VPS13B: variants seen among roughly 807,000 people sequenced by gnomAD.
The protein encoded by VPS13B is vacuolar protein sorting 13 homolog B.
Under a neutral mutation model 426.4 loss-of-function variants are expected in VPS13B, and 285 were observed. The ratio of observed to expected loss-of-function variants is 0.67; its 90% CI spans 0.61 to 0.74. VPS13B has a LOEUF of 0.74. VPS13B is among the 30% of genes least tolerant of loss of function. VPS13B has a pLI of 0.00. For synonymous variants in VPS13B, 1,676 were observed against 1,676.4 expected, an observed-to-expected ratio of 1.00 and a Z score of 0.01; for missense variants, 4,537 against 4,782.6, an observed-to-expected ratio of 0.95 and a Z score of 1.51.
chr8:99,460,545 C>A (rs1172357848), intron 23 of VPS13B, among the ~76,000 whole-genome samples: 1 of 151,966 alleles, frequency 6.6e-6, no homozygotes, highest in Admixed American at 6.6e-5. Context: ...TTTGTCATAC[C>A]CAGTGCTCTT....
chr8:99,029,781 A>AAGAGGG lies in VPS13B; in HGVS notation c.148-8620_148-8615dup, dbSNP rs1397503052. Among the ~76,000 whole-genome samples, 252 of 140,256 alleles carry AAGAGGG rather than the reference A, an allele frequency of 1.8e-3. 1 individual carries two copies. Among genetic ancestry groups the AAGAGGG allele is most frequent in the African/African-American group, 5.7e-3 (209 of 36,858 alleles). The allele number at this position is 140,256 out of a possible 152,430, so 92.0% of individuals were successfully genotyped here. On this transcript the variant is annotated intron_variant, in intron 2 of 61. Coordinates refer to ENST00000357162, the MANE Select transcript of VPS13B (RefSeq NM_152564.5). ...GGAGACCGTGGAAGGAGACCGTGGA[A>AAGAGGG]AGAGGGAGAGGGAGAGGGAGAGGGA...
chr8:99,800,276 C>CA (rs1406742456), intron 43 of VPS13B, among the ~76,000 whole-genome samples: 10 of 152,116 alleles, frequency 6.6e-5, no homozygotes, highest in Non-Finnish European at 4.4e-5. Flanking sequence ...CAAGGGTAAA[C>CA]AGTCTTAAGG....
chr8:99,115,590 G>T, intron 6 of VPS13B, 110 bp from the exon 7 acceptor site: 1 of 1,051,290 alleles, frequency 9.5e-7, no homozygotes, highest in Non-Finnish European at 1.4e-6. Context: ...AAAATGTTTG[G>T]AGCATTTCTT....
chr8:99,147,119 T>A (rs1414435149), intron 13 of VPS13B, among the ~76,000 whole-genome samples: 1 of 151,794 alleles, frequency 6.6e-6, no homozygotes, highest in Non-Finnish European at 1.5e-5. Context: ...GTCTTATTTA[T>A]TTATTTATTT....
intron 19 of VPS13B, among the ~76,000 whole-genome samples, chr8:99,335,257 T>C (rs912491951): frequency 5.9e-5 from 9 of 152,162 alleles, no homozygotes. Context: ...TTTTCTTCTT[T>C]ATTAGTCTTG....
At chr8:99,093,066 A>G (rs894233790) in intron 3 of VPS13B, among the ~76,000 whole-genome samples, 1 of 152,030 alleles carries the variant, frequency 6.6e-6, no homozygotes, top group Non-Finnish European at 1.5e-5. Context: ...TATTTTTAAA[A>G]TTACACTGAA....
At chr8:99,292,114 GT>G in intron 19 of VPS13B, among the ~76,000 whole-genome samples, 1 of 152,206 alleles carries the variant, frequency 6.6e-6, no homozygotes, top group East Asian at 1.9e-4. Context: ...TAAGCTTGGA[GT>G]TAATTATTAA....
intron 58 of VPS13B, among the ~76,000 whole-genome samples, chr8:99,864,950 C>T (rs751672562): frequency 3.9e-5 from 6 of 152,284 alleles, no homozygotes; most frequent in African/African-American, 9.6e-5. Flanking sequence ...CAAATGTTTA[C>T]GGGTTCGGCG....
chr8:99,601,176 T>A (rs1416957099), intron 33 of VPS13B, among the ~76,000 whole-genome samples: 1 of 151,880 alleles, frequency 6.6e-6, no homozygotes, highest in Non-Finnish European at 1.5e-5. Flanking sequence ...CAGGCTCCAG[T>A]GTGTGATGTT....
At chr8:99,098,279 T>C (rs899550001) in intron 4 of VPS13B, among the ~76,000 whole-genome samples, 3 of 152,136 alleles carry the variant, frequency 2.0e-5, no homozygotes, top group Admixed American at 1.3e-4. Flanking sequence ...TTACTTTATC[T>C]TATCCAGAAC....
At chr8:99,244,404 G>A (rs953908856) in intron 17 of VPS13B, among the ~76,000 whole-genome samples, 1 of 152,188 alleles carries the variant, frequency 6.6e-6, no homozygotes, top group African/African-American at 2.4e-5. Context: ...TTAATTTGTA[G>A]ATGTTGGAAT....
intron 31 of VPS13B, among the ~76,000 whole-genome samples, chr8:99,559,999 GTAT>G (rs1824816108): frequency 2.0e-5 from 3 of 152,218 alleles, no homozygotes; most frequent in African/African-American, 7.2e-5. Context: ...ACCTTGGGCA[GTAT>G]GGCCATTTTC....
At chr8:99,508,030 T>C in intron 28 of VPS13B, 1 of 1,466,626 alleles carries the variant, frequency 6.8e-7, no homozygotes, top group Non-Finnish European at 9.4e-7. Flanking sequence ...ATAAACTTTA[T>C]AAATGAAGTA....
rs764776104 is a variant in VPS13B, at chr8:99,147,912, C to T, written c.1915C>T (p.Arg639Ter). The T allele has an allele frequency of 1.9e-5, 30 of 1,613,096 alleles. No homozygotes were observed. Among genetic ancestry groups the T allele is most frequent in the Non-Finnish European group, 2.5e-5 (30 of 1,179,642 alleles). Reference sequence around the variant, plus strand: ...TCTTCTGGAGGAATATATTCCTACTCGACATACAAGTGTTACTCTCCTCAA... The same window carrying T: ...TCTTCTGGAGGAATATATTCCTACTTGACATACAAGTGTTACTCTCCTCAA... ...VALLEEYIPT[R>*]HTSVTLLKCT... The change falls in exon 14 of 62, where the codon CGA (arginine) becomes TGA (stop). Residue 639 changes from arginine (R) to a stop codon, truncating the protein, a stop_gained. Transcript: ENST00000357162. LOFTEE classifies it high-confidence loss of function.
Position 99,029,566 on chromosome 8 carries a change from G to A in VPS13B, c.148-8857G>A, listed in dbSNP as rs539994724. Among the ~76,000 whole-genome samples the A allele has an allele frequency of 2.0e-5, 3 of 152,192 alleles. No individual in the cohort carries two copies. The South Asian group carries it at 6.2e-4, about 32-fold the overall frequency. ...GCTGGTGGATCACTCGCGGTTAGGA[G>A]CTGGAGACCAGCCCGGCCAACACAG... On this transcript the variant is annotated intron_variant, in intron 2 of 61. Coordinates refer to ENST00000357162, the MANE Select transcript of VPS13B (RefSeq NM_152564.5).
intron 39 of VPS13B, among the ~76,000 whole-genome samples, chr8:99,760,936 G>A (rs1810896921): frequency 6.6e-6 from 1 of 152,158 alleles, no homozygotes; most frequent in Admixed American, 6.5e-5. Context: ...TAGGTTATAT[G>A]CAAATACTGC....
At chr8:99,093,366 T>A (rs185148425) in intron 3 of VPS13B, among the ~76,000 whole-genome samples, 474 of 151,618 alleles carry the variant, frequency 3.1e-3, no homozygotes, top group African/African-American at 7.5e-3. Flanking sequence ...TTTTTTTTTT[T>A]AAATTTTTTT....
At chr8:99,420,289 G>A (rs967036663) in intron 21 of VPS13B, among the ~76,000 whole-genome samples, 2 of 152,020 alleles carry the variant, frequency 1.3e-5, no homozygotes, top group Non-Finnish European at 2.9e-5. Context: ...GTCAGTATTT[G>A]GTGCCATTGG....
intron 17 of VPS13B, 78 bp from the exon 18 acceptor site, chr8:99,274,120 G>C: frequency 6.3e-7 from 1 of 1,586,744 alleles, no homozygotes; most frequent in Non-Finnish European, 8.6e-7. Context: ...GTATAATTAA[G>C]TTTAAATGCC....
Sources: gnomAD v4.1 joint callset for allele counts (sites outside exome capture counted in the v4.1 genomes callset) on GRCh38, gnomAD v4.1.1 for gene constraint, MANE v1.5 for transcripts, NCBI Gene and HGNC (gene_info 2026-07-23, HGNC 2026-07-21) for gene names.